Variants in MYH15 observed in about 807,000 individuals in gnomAD.
The protein encoded by MYH15 is myosin heavy chain 15, also known as myosin-15.
MYH15 carries 227 observed loss-of-function variants against 240.5 expected under a neutral mutation model. The observed-to-expected ratio is 0.94, with a 90% confidence interval of 0.85 to 1.05. The LOEUF is 1.05. Among genes scored for constraint, MYH15 ranks in the 50% least tolerant of loss-of-function variants. The pLI, the probability that MYH15 is intolerant of heterozygous loss-of-function variation, is 0.00. For synonymous variants in MYH15, 785 were observed against 796.7 expected, an observed-to-expected ratio of 0.99 and a Z score of 0.25; for missense variants, 2,217 against 2,247.5, an observed-to-expected ratio of 0.99 and a Z score of 0.27.
intron 27 of MYH15, among the ~76,000 whole-genome samples, chr3:108,425,900 A>C (rs1320607019): frequency 6.6e-6 from 1 of 152,190 alleles, no homozygotes; most frequent in African/African-American, 2.4e-5. Flanking sequence ...TCTTAAATGG[A>C]AATGGGGAAT....
At chr3:108,503,311 C>G (rs934531719) in intron 2 of MYH15, among the ~76,000 whole-genome samples, 1 of 152,076 alleles carries the variant, frequency 6.6e-6, no homozygotes, top group African/African-American at 2.4e-5. Flanking sequence ...GAAGAGCAAG[C>G]CTCACATCTG....
At chr3:108,499,328 T>G in intron 5 of MYH15, 127 bp downstream of exon 5, 1 of 941,948 alleles carries the variant, frequency 1.1e-6, no homozygotes, top group Non-Finnish European at 1.7e-6. Context: ...TTACCTCAAA[T>G]GTATTGCATC....
At chr3:108,444,490 CTT>C in intron 22 of MYH15, 148 bp downstream of exon 22, 1 of 916,472 alleles carries the variant, frequency 1.1e-6, no homozygotes, top group Non-Finnish European at 1.6e-6. Flanking sequence ...CAGGGTATCT[CTT>C]TGTTTTCATT....
chr3:108,383,531 C>A, intron 40 of MYH15, 64 bp downstream of exon 40: 1 of 1,534,732 alleles, frequency 6.5e-7, no homozygotes, highest in Non-Finnish European at 8.8e-7. Context: ...CTGGTCCATG[C>A]AATGACATCA....
At chr3:108,404,718 A>C (rs984310775) in intron 33 of MYH15, among the ~76,000 whole-genome samples, 2 of 152,228 alleles carry the variant, frequency 1.3e-5, no homozygotes, top group Admixed American at 6.5e-5. Flanking sequence ...GGATTCAATA[A>C]GCAGCTTAGC....
At chr3:108,388,166 A>G (rs1036313115) in intron 38 of MYH15, among the ~76,000 whole-genome samples, 4 of 152,204 alleles carry the variant, frequency 2.6e-5, no homozygotes, top group Admixed American at 2.6e-4. Context: ...GCAGTGTGAG[A>G]GGGCTGGAAA....
chr3:108,414,267 A>C lies in MYH15; in HGVS notation c.4110T>G (p.Asn1370Lys). The change falls in exon 30 of 41, where the codon AAT (asparagine) becomes AAG (lysine). Residue 1370 changes from asparagine (N) to lysine (K), a missense_variant. By Grantham distance (94) the Asn-to-Lys change is moderately conservative (BLOSUM62 0). Coordinates refer to ENST00000693548, the MANE Select transcript of MYH15 (RefSeq NM_014981.3). Reference sequence around the variant, plus strand: ...CCAAGTCTTCTGTTCTCTGGATGACATTGTTTTCATACTTCATTCTCCATT... The same window carrying C: ...CCAAGTCTTCTGTTCTCTGGATGACCTTGTTTTCATACTTCATTCTCCATT... ...MVQWRMKYEN[N>K]VIQRTEDLED... is the part of the protein sequence containing the mutation. The C allele has an allele frequency of 6.2e-7, 1 of 1,614,090 alleles. No individual in the cohort carries two copies. The highest frequency in any genetic ancestry group is 2.2e-5 in the East Asian group (1 of 44,884).
At chr3:108,415,636 A>G (rs2082626906) in intron 29 of MYH15, among the ~76,000 whole-genome samples, 1 of 152,256 alleles carries the variant, frequency 6.6e-6, no homozygotes, top group African/African-American at 2.4e-5. Context: ...AAACAAACAC[A>G]GCAGATAAAC....
At chr3:108,422,142 G>A (rs772144973) in intron 27 of MYH15, among the ~76,000 whole-genome samples, 2 of 152,036 alleles carry the variant, frequency 1.3e-5, no homozygotes, top group Non-Finnish European at 2.9e-5. Context: ...AAATTACATT[G>A]GTGGTGGTCT....
intron 1 of MYH15, among the ~76,000 whole-genome samples, chr3:108,516,030 T>C (rs1559674621): frequency 6.6e-6 from 1 of 152,114 alleles, no homozygotes; most frequent in Non-Finnish European, 1.5e-5. Context: ...ACAATAAATA[T>C]GGGGATGAGG....
intron 1 of MYH15, among the ~76,000 whole-genome samples, chr3:108,528,234 C>T (rs1027743840): frequency 2.6e-5 from 4 of 151,888 alleles, no homozygotes; most frequent in Non-Finnish European, 5.9e-5. Context: ...CAAAAAAGCA[C>T]CCAGAACAGG....
chr3:108,463,328 T>C (rs1335800320), intron 15 of MYH15, 85 bp from the exon 16 acceptor site: 18 of 1,417,668 alleles, frequency 1.3e-5, no homozygotes, highest in Non-Finnish European at 1.7e-5. Flanking sequence ...CCCCTTTTTT[T>C]TTTTGAGACA....
chr3:108,549,580 T>C, the MYH15 span, among the ~76,000 whole-genome samples: 4 of 152,136 alleles, frequency 2.6e-5, no homozygotes, highest in South Asian at 8.3e-4. Context: ...CTTGTGAGAA[T>C]GGGACAGATC....
chr3:108,493,217 T>A (rs774917795), intron 7 of MYH15, 40 bp from the exon 8 acceptor site: 2 of 1,568,840 alleles, frequency 1.3e-6, no homozygotes, highest in Non-Finnish European at 1.8e-6. Context: ...CAAAACACAG[T>A]TTCCTATTCA....
chr3:108,414,880 A>G (rs1459056655), intron 29 of MYH15, among the ~76,000 whole-genome samples: 1 of 152,200 alleles, frequency 6.6e-6, no homozygotes, highest in African/African-American at 2.4e-5. Flanking sequence ...GAAATCTCTA[A>G]AAACCTCAGC....
intron 12 of MYH15, among the ~76,000 whole-genome samples, chr3:108,472,516 A>G (rs895553061): frequency 2.6e-5 from 4 of 152,212 alleles, no homozygotes; most frequent in African/African-American, 9.6e-5. Flanking sequence ...CAGCATCAAG[A>G]GCACACACGT....
chr3:108,433,133 C>T (rs1224473725), intron 25 of MYH15, among the ~76,000 whole-genome samples: 1 of 152,216 alleles, frequency 6.6e-6, no homozygotes, highest in Non-Finnish European at 1.5e-5. Context: ...CTGCCCAAGA[C>T]AATGGGAACC....
chr3:108,543,815 G>A, the MYH15 span: 2 of 152,268 alleles, frequency 1.3e-5, no homozygotes, highest in Non-Finnish European at 1.5e-5. Context: ...GAACCAAACT[G>A]CTACTGCCAC....
chr3:108,402,775 T>C (rs1309080493), intron 33 of MYH15, among the ~76,000 whole-genome samples: 1 of 152,212 alleles, frequency 6.6e-6, no homozygotes, highest in East Asian at 1.9e-4. Flanking sequence ...AATCAGAGAA[T>C]TCCCTGAAGA....
Sources: gnomAD v4.1 joint callset for allele counts (sites outside exome capture counted in the v4.1 genomes callset) on GRCh38, gnomAD v4.1.1 for gene constraint, MANE v1.5 for transcripts, NCBI Gene and HGNC (gene_info 2026-07-23, HGNC 2026-07-21) for gene names.